Variants in ATP13A1 observed in about 807,000 individuals in gnomAD.
ATP13A1 encodes endoplasmic reticulum transmembrane helix translocase.
In ATP13A1, 55 loss-of-function variants were observed where a neutral mutation model predicts 134.8. That is an observed-to-expected ratio of 0.41 (90% CI 0.33 to 0.51). The LOEUF is 0.51. Among genes scored for constraint, ATP13A1 ranks in the 20% least tolerant of loss-of-function variants. The pLI is 0.29. For missense variants in ATP13A1, 1,389 were observed against 1,652.8 expected (o/e 0.84, Z 2.77); for synonymous variants, 775 against 725.1 (o/e 1.07, Z -1.10).
intron 17 of ATP13A1, chr19:19,650,306 C>T (rs569761095): frequency 7.3e-6 from 2 of 273,416 alleles, no homozygotes; most frequent in South Asian, 7.2e-5. Flanking sequence ...CAGGCCCTCA[C>T]CTCATTTATC....
At chr19:19,652,259 AC>A (rs2062029160) in intron 16 of ATP13A1, among the ~76,000 whole-genome samples, 1 of 152,116 alleles carries the variant, frequency 6.6e-6, no homozygotes, top group African/African-American at 2.4e-5. Flanking sequence ...ACCAGAAGCC[AC>A]CAGGACAGGC....
intron 17 of ATP13A1, chr19:19,651,487 G>A: frequency 2.1e-6 from 1 of 475,804 alleles, no homozygotes; most frequent in Non-Finnish European, 3.8e-6. Flanking sequence ...ACACCTACAT[G>A]CCGCACATCC....
rs1353208597 is a variant in ATP13A1, at chr19:19,663,585, G to A, written c.82C>T (p.Pro28Ser). ...CGVRPDGQPK[P>S]GPQPRALLAA... ...AGGAGCGCGCGCGGCTGCGGCCCGGGCTTGGGCTGCCCGTCAGGCCGGACC... is the reference window on the plus strand; with the variant it reads ...AGGAGCGCGCGCGGCTGCGGCCCGGACTTGGGCTGCCCGTCAGGCCGGACC... Residue 28 changes from proline (P) to serine (S), a missense_variant, in exon 1 of 26, where the codon CCC becomes TCC. Pro to Ser is a moderately conservative substitution (Grantham distance 74). Coordinates refer to ENST00000357324, the MANE Select transcript of ATP13A1 (RefSeq NM_020410.3). 1.4e-6 allele frequency: 2 copies of A among 1,468,542 alleles called. No homozygotes were observed. Among genetic ancestry groups the A allele is most frequent in the South Asian group, 2.7e-5 (2 of 74,494 alleles). 91.0% of individuals were successfully genotyped at this position (1,468,542 alleles called of 1,614,324 possible).
intron 13 of ATP13A1, 123 bp downstream of exon 13, chr19:19,654,420 C>T (rs1016521575): frequency 1.2e-5 from 15 of 1,267,618 alleles, no homozygotes; most frequent in East Asian, 5.0e-5. Context: ...CCACCCACCT[C>T]GGGGAGCATC....
In ATP13A1 at chr19:19,659,584, G is replaced by A; in HGVS notation, c.677+17C>T. On this transcript the variant is annotated intron_variant, in intron 3 of 25. Transcript: ENST00000357324. ...GGACAGAAAGGCAAAGGTGCTACAG[G>A]CAAATCAAGGACTCACTTGTTGCTC... 5 of 1,601,398 alleles carry A rather than the reference G, an allele frequency of 3.1e-6. No homozygotes were observed. Among genetic ancestry groups the A allele is most frequent in the Non-Finnish European group, 3.4e-6 (4 of 1,169,864 alleles).
At chr19:19,649,378 C>A (rs567690210) in intron 19 of ATP13A1, among the ~76,000 whole-genome samples, 189 bp downstream of exon 19, 29 of 152,324 alleles carry the variant, frequency 1.9e-4, no homozygotes, top group African/African-American at 6.7e-4. Flanking sequence ...TGGCCTCCGC[C>A]CTGCTCTGTT....
intron 17 of ATP13A1, 31 bp downstream of exon 17, chr19:19,651,657 CT>C: frequency 6.4e-7 from 1 of 1,570,656 alleles, no homozygotes; most frequent in South Asian, 1.1e-5. Flanking sequence ...CAGGGTCCCC[CT>C]TCCCCACTGT....
rs369806918 is a variant in ATP13A1, at chr19:19,656,189, G to A, written c.1084-6C>T. On this transcript the variant is annotated splice_region_variant and splice_polypyrimidine_tract_variant and intron_variant, in intron 7 of 25. Coordinates refer to ENST00000357324, the MANE Select transcript of ATP13A1 (RefSeq NM_020410.3). This position sits in a 1 kb window ranked among gnomAD's most constrained non-coding sequence, Gnocchi z 4.6. ...CTGAGGTCTTCGATGGGCTCCTGGGGAGGAAGATCGTGAATCTGGATGGCC... is the reference window on the plus strand; with the variant it reads ...CTGAGGTCTTCGATGGGCTCCTGGGAAGGAAGATCGTGAATCTGGATGGCC... 2.5e-6 allele frequency: 4 copies of A among 1,594,632 alleles called. No individual in the cohort carries two copies. The highest frequency in any genetic ancestry group is 2.2e-5 in the East Asian group (1 of 44,608).
In ATP13A1 at chr19:19,655,069, C is replaced by G; in HGVS notation, c.1655+50G>C. The G allele has an allele frequency of 6.2e-7, 1 of 1,607,726 alleles. No homozygotes were observed. The highest frequency in any genetic ancestry group is 8.5e-7 in the Non-Finnish European group (1 of 1,177,978). On this transcript the variant is annotated intron_variant, in intron 12 of 25. Coordinates refer to ENST00000357324, the MANE Select transcript of ATP13A1 (RefSeq NM_020410.3). This position sits in a 1 kb window ranked among gnomAD's most constrained non-coding sequence, Gnocchi z 5.7. ...GGATGGGCCACCTGTCTCTCGACTT[C>G]CCAGAAACCCCATCTGGGTGACCTT...
chr19:19,659,918 C>A lies in ATP13A1; in HGVS notation c.466G>T (p.Val156Leu). 6.3e-7 allele frequency: 1 copy of A among 1,587,824 alleles called. No homozygotes were observed. Among genetic ancestry groups the A allele is most frequent in the Admixed American group, 1.9e-5 (1 of 53,578 alleles). ...CCTACCTCATTGCGGTGCAGGGCCA[C>A]GAGCTCCGTGGAGCCATTGTTGGGG... ...PTPNNGSTEL[V>L]ALHRNEGEDG... The change falls in exon 2 of 26, where the codon GTG (valine) becomes TTG (leucine). Residue 156 changes from valine (V) to leucine (L), a missense_variant. Coordinates refer to ENST00000357324, the MANE Select transcript of ATP13A1 (RefSeq NM_020410.3).
intron 3 of ATP13A1, among the ~76,000 whole-genome samples, 163 bp downstream of exon 3, chr19:19,659,438 A>T (rs990788557): frequency 1.3e-5 from 2 of 152,210 alleles, no homozygotes; most frequent in African/African-American, 4.8e-5. Context: ...CCTGGGTGAC[A>T]GAGCGAGACT....
rs753185720 is a variant in ATP13A1, at chr19:19,655,558, T to C, written c.1366A>G (p.Ile456Val). The C allele has an allele frequency of 1.2e-6, 2 of 1,613,876 alleles. No individual in the cohort carries two copies. The highest frequency in any genetic ancestry group is 1.1e-5 in the South Asian group (1 of 91,092). ...IFILFLLVFA[I>V]AAAAYVWIEG... ...ATCCATACATAGGCAGCTGCAGCGA[T>C]GGCAAACACCAGGAGGAAGAGGATG... Residue 456 changes from isoleucine (I) to valine (V), a missense_variant, in exon 10 of 26, where the codon ATC becomes GTC. Transcript: ENST00000357324. This position sits in a 1 kb window ranked among gnomAD's most constrained non-coding sequence, Gnocchi z 5.7.
At chr19:19,654,998 C>A (rs1300319954) in intron 12 of ATP13A1, 121 bp downstream of exon 12, 4 of 1,445,172 alleles carry the variant, frequency 2.8e-6, no homozygotes, top group Admixed American at 2.3e-5. Flanking sequence ...TGGAAATGAA[C>A]CCGAGGCAGG....
At chr19:19,648,284 A>C (rs1395442995) in intron 19 of ATP13A1, among the ~76,000 whole-genome samples, 1 of 152,080 alleles carries the variant, frequency 6.6e-6, no homozygotes, top group Admixed American at 6.5e-5. Flanking sequence ...ACACCACCGC[A>C]CTCCAGCCTG....
intron 22 of ATP13A1, chr19:19,646,667 C>T (rs577457801): frequency 6.9e-6 from 3 of 432,254 alleles, no homozygotes; most frequent in Non-Finnish European, 8.5e-6. Context: ...AATCTCCCAC[C>T]CCCTCCAGCC....
rs1331074699 is a variant in ATP13A1, at chr19:19,656,592, C to A, written c.1083+68G>T. 6 of 1,511,470 alleles carry A rather than the reference C, an allele frequency of 4.0e-6. No individual in the cohort carries two copies. The highest frequency in any genetic ancestry group is 1.2e-5 in the South Asian group (1 of 84,158). The allele number at this position is 1,511,470 out of a possible 1,614,324, so 93.6% of individuals were successfully genotyped here. ...TGCCTGAGGGGGATCCCCGCCACCC[C>A]CTGGGCCTCCACCTCCTGGCCTGTT... On this transcript the variant is annotated intron_variant, in intron 7 of 25. Transcript: ENST00000357324. The surrounding 1 kb of genome is among the most constrained non-coding windows in gnomAD (Gnocchi z 4.6).
chr19:19,663,609 C>G lies in ATP13A1; in HGVS notation c.58G>C (p.Val20Leu). The G allele has an allele frequency of 7.2e-7, 1 of 1,387,188 alleles. No individual in the cohort carries two copies. The highest frequency in any genetic ancestry group is 9.3e-7 in the Non-Finnish European group (1 of 1,079,376). 85.9% of individuals were successfully genotyped at this position (1,387,188 alleles called of 1,614,324 possible). The change falls in exon 1 of 26, where the codon GTC becomes CTC. Residue 20 changes from valine (V) to leucine (L), a missense_variant. By Grantham distance (32) the Val-to-Leu change is conservative (BLOSUM62 1). Transcript: ENST00000357324. ...AVPCGARPCG[V>L]RPDGQPKPGP... The stretch of plus-strand genomic sequence containing the variant: ...GGCTTGGGCTGCCCGTCAGGCCGGA[C>G]CCCGCAAGGCCGGGCCCCGCAGGGC...
chr19:19,662,393 T>C, intron 1 of ATP13A1: 6 of 981,718 alleles, frequency 6.1e-6, no homozygotes, highest in Non-Finnish European at 7.3e-6. Flanking sequence ...CTGTAGCCCT[T>C]GATGCTGTTC....
intron 1 of ATP13A1, among the ~76,000 whole-genome samples, chr19:19,661,237 C>T (rs1425129764): frequency 6.6e-6 from 1 of 152,196 alleles, no homozygotes; most frequent in Non-Finnish European, 1.5e-5. Flanking sequence ...AGAACGCTGC[C>T]AGGCACCCAC....
Sources: allele counts gnomAD v4.1 joint callset (sites outside exome capture counted in the v4.1 genomes callset), GRCh38; gene constraint gnomAD v4.1.1; non-coding constraint Gnocchi (gnomAD v3.1); transcripts MANE v1.5; gene names NCBI Gene and HGNC (gene_info 2026-07-23, HGNC 2026-07-21).